NLRC3: variants seen among roughly 807,000 people sequenced by gnomAD.
NLRC3 encodes NLR family CARD domain containing 3, also known as NLR family CARD domain-containing protein 3.
In NLRC3, 87 loss-of-function variants were observed where a neutral mutation model predicts 91.6. The observed-to-expected ratio is 0.95, with a 90% CI of 0.80 to 1.14. The LOEUF is 1.14. NLRC3 is among the 50% of genes most tolerant of loss of function. NLRC3 has a pLI of 0.00. For synonymous variants in NLRC3, 694 were observed against 625.3 expected (o/e 1.11, Z -1.64); for missense variants, 1,577 against 1,418.6 (o/e 1.11, Z -1.79).
At chr16:3,543,356 A>G in intron 17 of NLRC3, 69 bp downstream of exon 17, 2 of 1,072,402 alleles carry the variant, frequency 1.9e-6, no homozygotes, top group East Asian at 2.5e-5. Context: ...CTTTGTCCCC[A>G]TATCTATTCA....
intron 1 of NLRC3, among the ~76,000 whole-genome samples, chr16:3,569,295 CAGAG>C (rs1253930784): frequency 1.7e-4 from 21 of 125,508 alleles, no homozygotes; most frequent in South Asian, 7.3e-4. Flanking sequence ...GCCGGGGTGA[CAGAG>C]AGAGACACCA....
chr16:3,558,361 A>G (rs569048566), intron 6 of NLRC3, among the ~76,000 whole-genome samples: 1 of 152,198 alleles, frequency 6.6e-6, no homozygotes, highest in South Asian at 2.1e-4. Flanking sequence ...AACAAATGCT[A>G]GCAAACTGAT....
intron 1 of NLRC3, among the ~76,000 whole-genome samples, chr16:3,575,519 G>A (rs577345013): frequency 1.6e-4 from 25 of 152,308 alleles, no homozygotes; most frequent in African/African-American, 5.8e-4. Flanking sequence ...CGAGCAGGGC[G>A]AGGCCAGAGG....
At chr16:3,559,073 G>C (rs1169366396) in intron 6 of NLRC3, among the ~76,000 whole-genome samples, 2 of 152,050 alleles carry the variant, frequency 1.3e-5, no homozygotes, top group African/African-American at 2.4e-5. Flanking sequence ...TGCCCAGCCT[G>C]GTACTTTTCA....
At chr16:3,561,362 C>T (rs911843693) in intron 6 of NLRC3, among the ~76,000 whole-genome samples, 5 of 152,124 alleles carry the variant, frequency 3.3e-5, no homozygotes, top group African/African-American at 1.2e-4. Context: ...TAATTATAAT[C>T]CTGTGCCTAG....
chr16:3,548,751 A>G lies in NLRC3; in HGVS notation c.2606T>C (p.Leu869Pro). The G allele has an allele frequency of 6.2e-7, 1 of 1,600,096 alleles. No individual in the cohort carries two copies. Among genetic ancestry groups the G allele is most frequent in the East Asian group, 2.2e-5 (1 of 44,454 alleles). ...CANSTLKNLD[L>P]TANLLHDQGA... ...CTGGTCGTGGAGGAGGTTGGCTGTC[A>G]GGCTAGGAGGAAGGGAACAGGAGCA... Residue 869 changes from leucine to proline, a missense_variant and splice_region_variant, in exon 14 of 20, where the codon CTG (leucine) becomes CCG (proline). Transcript: ENST00000359128.
At chr16:3,566,751 C>A (rs1469893201) in intron 2 of NLRC3, among the ~76,000 whole-genome samples, 1 of 148,378 alleles carries the variant, frequency 6.7e-6, no homozygotes, top group Non-Finnish European at 1.5e-5. Context: ...ATTAGCCAGG[C>A]GTGGTGGCTG....
intron 18 of NLRC3, 50 bp downstream of exon 18, chr16:3,542,642 C>T: frequency 8.9e-7 from 1 of 1,127,272 alleles, no homozygotes; most frequent in Non-Finnish European, 1.3e-6. Context: ...GAGGACCCAG[C>T]AGAGAACTCT....
chr16:3,552,075 A>T, intron 10 of NLRC3, 121 bp downstream of exon 10: 2 of 666,980 alleles, frequency 3.0e-6, no homozygotes, highest in Non-Finnish European at 5.4e-6. Context: ...CCACCCACCC[A>T]TCCATCCATT....
At chr16:3,557,741 C>T (rs779740117) in intron 6 of NLRC3, 65 bp from the exon 7 acceptor site, 133 of 999,238 alleles carry the variant, frequency 1.3e-4, no homozygotes, top group African/African-American at 8.2e-4. Context: ...TCTTCCTCAA[C>T]GCTGTGCCCG....
In NLRC3 at chr16:3,564,074, C is replaced by T; in HGVS notation, c.863G>A (p.Gly288Asp). Reference protein sequence around the residue: ...GLVDRMTEIRGFNEEEIKVCL... With the variant: ...GLVDRMTEIRDFNEEEIKVCL... The stretch of plus-strand genomic sequence containing the variant: ...CACCTTGATCTCCTCCTCGTTAAAG[C>T]CCCGGATCTCCGTCATCCGGTCCAC... Residue 288 changes from glycine to aspartate, a missense_variant, in exon 5 of 20, where the codon GGC (glycine) becomes GAC (aspartate). Gly to Asp is a moderately conservative substitution (Grantham distance 94). Coordinates refer to ENST00000359128, the MANE Select transcript of NLRC3 (RefSeq NM_178844.4). The surrounding 1 kb of genome is among the most constrained non-coding windows in gnomAD (Gnocchi z 5.9). 6.2e-7 allele frequency: 1 copy of T among 1,613,362 alleles called. No individual in the cohort carries two copies. Among genetic ancestry groups the T allele is most frequent in the Non-Finnish European group, 8.5e-7 (1 of 1,179,878 alleles).
rs1459185723 is a variant in NLRC3 at position 3,556,223 on chromosome 16, T to C, written c.2183+688A>G. Among the ~76,000 whole-genome samples, 8 of 139,658 alleles carry C rather than the reference T, an allele frequency of 5.7e-5. No homozygotes were observed. In the Admixed American group the frequency reaches 6.2e-4, roughly 11 times the overall value. The allele number at this position is 139,658 out of a possible 152,430, so 91.6% of individuals were successfully genotyped here. On this transcript the variant is annotated intron_variant, in intron 8 of 19. Coordinates refer to ENST00000359128, the MANE Select transcript of NLRC3 (RefSeq NM_178844.4). The stretch of plus-strand genomic sequence containing the variant: ...GCAGGAGCCTGTAATCCCAGCTACT[T>C]GGAAGGCTGAGGCAGGAGAATCGCT...
chr16:3,554,401 G>C, intron 8 of NLRC3, 76 bp from the exon 9 acceptor site: 1 of 1,095,386 alleles, frequency 9.1e-7, no homozygotes, highest in Non-Finnish European at 1.4e-6. Flanking sequence ...CTCTGCAGTG[G>C]GGGCACCTCT....
At chr16:3,551,746 T>TCCGTTCAC (rs1555440792) in intron 10 of NLRC3, among the ~76,000 whole-genome samples, 2 of 22,498 alleles carry the variant, frequency 8.9e-5, no homozygotes, top group African/African-American at 9.2e-4. Context: ...CATCCATCCA[T>TCCGTTCAC]CCATTCACCA....
chr16:3,553,415 G>C (rs534193558), intron 9 of NLRC3, among the ~76,000 whole-genome samples: 55 of 152,314 alleles, frequency 3.6e-4, no homozygotes, highest in African/African-American at 1.1e-3. Context: ...AAGTACCTGC[G>C]TGTCATAGAG....
In NLRC3 at chr16:3,563,561, T is replaced by C. The variant is rs2039719575; in HGVS notation, c.1376A>G (p.Gln459Arg). The change falls in exon 5 of 20, where the codon CAG becomes CGG. Residue 459 changes from glutamine (Q) to arginine (R), a missense_variant. Physicochemically the swap from Gln to Arg is conservative, Grantham distance 43. Transcript: ENST00000359128. ...VAYCFTHLSL[Q>R]EFVAAAYYYG... ...GTAATACGCGGCTGCCACAAACTCC[T>C]GCAGGGACAGGTGGGTGAAGCAGTA... 1 of 1,612,038 alleles carries C rather than the reference T, an allele frequency of 6.2e-7. No individual in the cohort carries two copies. The highest frequency in any genetic ancestry group is 1.7e-5 in the Admixed American group (1 of 59,826).
chr16:3,571,111 A>T (rs2040082576), intron 1 of NLRC3, among the ~76,000 whole-genome samples: 1 of 152,184 alleles, frequency 6.6e-6, no homozygotes, highest in African/African-American at 2.4e-5. Flanking sequence ...GGAGTTTGGT[A>T]ACATGACAAA....
chr16:3,544,390 C>T (rs1406618015), intron 15 of NLRC3, 61 bp from the exon 16 acceptor site: 18 of 1,215,858 alleles, frequency 1.5e-5, no homozygotes, highest in Non-Finnish European at 2.2e-5. Context: ...TAGCAAGGCC[C>T]TGCCGCACTT....
intron 13 of NLRC3, 42 bp from the exon 14 acceptor site, chr16:3,548,795 T>G: frequency 7.1e-7 from 1 of 1,405,694 alleles, no homozygotes; most frequent in South Asian, 1.3e-5. Context: ...GGGGGCCGGC[T>G]GTGAAGCCTC....
Sources: gnomAD v4.1 joint callset for allele counts (sites outside exome capture counted in the v4.1 genomes callset) on GRCh38, gnomAD v4.1.1 for gene constraint, Gnocchi (gnomAD v3.1) non-coding constraint, MANE v1.5 for transcripts, NCBI Gene and HGNC (gene_info 2026-07-23, HGNC 2026-07-21) for gene names.